Variants in GDAP2 observed in about 807,000 individuals in gnomAD.
GDAP2 encodes ganglioside-induced differentiation-associated protein 2.
A neutral mutation model predicts 67.0 loss-of-function variants in GDAP2; 51 were observed. The ratio of observed to expected loss-of-function variants is 0.76; its 90% CI spans 0.61 to 0.96. The LOEUF is 0.96. Ranked by LOEUF, GDAP2 falls within the 40% of genes least tolerant of loss-of-function variation. The pLI is 0.00. For missense variants in GDAP2, 547 were observed against 588.3 expected, an observed-to-expected ratio of 0.93 and a Z score of 0.73; for synonymous variants, 203 against 207.3, an observed-to-expected ratio of 0.98 and a Z score of 0.18.
At chr1:117,908,810 G>A (rs138210233) in intron 5 of GDAP2, among the ~76,000 whole-genome samples, 52 of 151,702 alleles carry the variant, frequency 3.4e-4, no homozygotes, top group African/African-American at 1.2e-3. Flanking sequence ...GGGCGACAGT[G>A]TATGACTCTA....
At chr1:117,880,249 T>C (rs1648606834) in intron 12 of GDAP2, among the ~76,000 whole-genome samples, 2 of 151,744 alleles carry the variant, frequency 1.3e-5, no homozygotes, top group African/African-American at 2.4e-5. Flanking sequence ...CAGCTAGAAG[T>C]AGGAGAGAAA....
intron 8 of GDAP2, among the ~76,000 whole-genome samples, chr1:117,889,520 T>C (rs981653006): frequency 8.6e-5 from 13 of 152,002 alleles, no homozygotes; most frequent in African/African-American, 2.9e-4. Context: ...TCTGTTTTTC[T>C]GAGTTCAGTT....
intron 2 of GDAP2, 34 bp from the exon 3 acceptor site, chr1:117,918,770 G>T: frequency 6.6e-7 from 1 of 1,512,060 alleles, no homozygotes; most frequent in Non-Finnish European, 9.0e-7. Flanking sequence ...CAAGTGTGGG[G>T]AAAAAGAAGA....
chr1:117,882,185 G>T (rs1225672593), intron 11 of GDAP2, among the ~76,000 whole-genome samples: 1 of 152,050 alleles, frequency 6.6e-6, no homozygotes, highest in African/African-American at 2.4e-5. Context: ...TATGATGCTA[G>T]AATCTCTGGG....
At chr1:117,884,813 C>CATATGT (rs376358688) in intron 10 of GDAP2, among the ~76,000 whole-genome samples, 3 of 147,862 alleles carry the variant, frequency 2.0e-5, no homozygotes, top group South Asian at 2.2e-4. Context: ...TTATTCCCTC[C>CATATGT]GTGTGTGTGT....
chr1:117,881,732 G>A, intron 12 of GDAP2, 91 bp downstream of exon 12: 1 of 762,564 alleles, frequency 1.3e-6, no homozygotes, highest in Non-Finnish European at 2.4e-6. Flanking sequence ...AATGGTGACA[G>A]CAACAATTAA....
intron 6 of GDAP2, among the ~76,000 whole-genome samples, chr1:117,900,000 GCAT>G (rs1649396482): frequency 6.6e-6 from 1 of 151,806 alleles, no homozygotes; most frequent in Non-Finnish European, 1.5e-5. Context: ...CCATAGTATT[GCAT>G]CATCTTTTAA....
At chr1:117,877,847 G>A in intron 13 of GDAP2, 162 bp downstream of exon 13, 1 of 1,265,962 alleles carries the variant, frequency 7.9e-7, no homozygotes, top group Non-Finnish European at 1.0e-6. Context: ...TTTTCCTAAA[G>A]TTATCATAGG....
chr1:117,898,558 C>G (rs975105206), intron 7 of GDAP2, among the ~76,000 whole-genome samples: 1 of 152,174 alleles, frequency 6.6e-6, no homozygotes, highest in Non-Finnish European at 1.5e-5. Context: ...AACATGTACA[C>G]ATGAACATCA....
Position 117,920,442 on chromosome 1 carries a change from G to GA in GDAP2, c.-67-19dup. ...GACTTTAGCTTTAAGAGAAAAGAAA[G>GA]AATCACTTTAATAGAGAAGCACAGA... On this transcript the variant is annotated intron_variant, in intron 1 of 13. Transcript: ENST00000369443. The GA allele has an allele frequency of 1.2e-6, 1 of 841,936 alleles. No homozygotes were observed. Among genetic ancestry groups the GA allele is most frequent in the South Asian group, 1.9e-5 (1 of 53,056 alleles). The allele number at this position is 841,936 out of a possible 1,614,324, so 52.2% of individuals were successfully genotyped here. A position where few individuals can be genotyped will look rare whatever the true frequency, so the allele number is the denominator to read the frequency against.
intron 1 of GDAP2, among the ~76,000 whole-genome samples, chr1:117,921,120 G>A (rs1346730945): frequency 6.6e-6 from 1 of 152,156 alleles, no homozygotes; most frequent in Non-Finnish European, 1.5e-5. Context: ...GAGAAAAGGA[G>A]AATCAATTTG....
chr1:117,891,798 C>T (rs766284801), intron 8 of GDAP2, among the ~76,000 whole-genome samples: 10 of 151,982 alleles, frequency 6.6e-5, no homozygotes, highest in Non-Finnish European at 1.2e-4. Flanking sequence ...AAAATCTTCC[C>T]TTTCTCTAAG....
Position 117,906,587 on chromosome 1 carries a change from G to A in GDAP2, c.560-5C>T. Reference sequence around the variant, plus strand: ...CTAGGAATCTTCTTACAGTGCCTAAGGAAAAGAATAGAAAGATTACTCAAT... The same window carrying A: ...CTAGGAATCTTCTTACAGTGCCTAAAGAAAAGAATAGAAAGATTACTCAAT... On this transcript the variant is annotated splice_region_variant and splice_polypyrimidine_tract_variant and intron_variant, in intron 5 of 13. Coordinates refer to ENST00000369443, the MANE Select transcript of GDAP2 (RefSeq NM_017686.4). 2 of 1,434,210 alleles carry A rather than the reference G, an allele frequency of 1.4e-6. No individual in the cohort carries two copies. Among genetic ancestry groups the A allele is most frequent in the South Asian group, 1.2e-5 (1 of 83,036 alleles). 88.8% of individuals were successfully genotyped at this position (1,434,210 alleles called of 1,614,324 possible).
At chr1:117,920,446 C>A in intron 1 of GDAP2, 22 bp from the exon 2 acceptor site, 1 of 806,274 alleles carries the variant, frequency 1.2e-6, no homozygotes, top group Non-Finnish European at 2.0e-6. Context: ...AAGAAAGAAT[C>A]ACTTTAATAG....
At chr1:117,893,807 T>G (rs948187691) in intron 8 of GDAP2, among the ~76,000 whole-genome samples, 1 of 152,232 alleles carries the variant, frequency 6.6e-6, no homozygotes, top group Admixed American at 6.5e-5. Flanking sequence ...GACATTTTTA[T>G]GTTTTTATAA....
intron 3 of GDAP2, 83 bp from the exon 4 acceptor site, chr1:117,912,766 G>A (rs935424790): frequency 1.7e-6 from 2 of 1,206,620 alleles, no homozygotes; most frequent in African/African-American, 3.0e-5. Flanking sequence ...AACAGAGAAA[G>A]TATTGAGAAC....
At chr1:117,921,129 T>C (rs1650238685) in intron 1 of GDAP2, among the ~76,000 whole-genome samples, 1 of 152,204 alleles carries the variant, frequency 6.6e-6, no homozygotes, top group Admixed American at 6.5e-5. Context: ...AGAATCAATT[T>C]GCCTATGAGT....
At chr1:117,922,446 A>G (rs79089862) in intron 1 of GDAP2, among the ~76,000 whole-genome samples, 2,074 of 152,338 alleles carry the variant, frequency 0.014, 37 homozygotes, top group South Asian at 0.092. Context: ...GAAAGGTTGA[A>G]TAACAGGACT....
chr1:117,920,249 A>T lies in GDAP2; in HGVS notation c.109T>A (p.Phe37Ile). 6.2e-7 allele frequency: 1 copy of T among 1,608,836 alleles called. No homozygotes were observed. The highest frequency in any genetic ancestry group is 8.5e-7 in the Non-Finnish European group (1 of 1,175,496). The change falls in exon 2 of 14, where the codon TTT becomes ATT. Residue 37 changes from phenylalanine (F) to isoleucine (I), a missense_variant. Phe to Ile is a conservative substitution (Grantham distance 21, BLOSUM62 0). Transcript: ENST00000369443. ...GGTGATCGAACAGTGTCTTCCTGAA[A>T]TATTTCAGCTGTAGTATCAGAGGAA... is the stretch of plus-strand genomic sequence containing the variant. ...LNSSDTTAEI[F>I]QEDTVRSPFL...
Sources: allele counts gnomAD v4.1 joint callset (sites outside exome capture counted in the v4.1 genomes callset), GRCh38; gene constraint gnomAD v4.1.1; transcripts MANE v1.5; gene names NCBI Gene and HGNC (gene_info 2026-07-23, HGNC 2026-07-21).